GNA14: variants seen among roughly 807,000 people sequenced by gnomAD.
GNA14 encodes the protein guanine nucleotide-binding protein subunit alpha-14.
A neutral mutation model predicts 42.0 loss-of-function variants in GNA14; 50 were observed. That is an observed-to-expected ratio of 1.19 (90% CI 0.95 to 1.51). The LOEUF (loss-of-function observed/expected upper bound fraction) is 1.51, where lower values mean the gene tolerates loss of function less well. Among genes scored for constraint, GNA14 ranks in the 40% most tolerant of loss-of-function variants. The pLI, the probability that GNA14 is intolerant of heterozygous loss-of-function variation, is 0.00. For synonymous variants in GNA14, 173 were observed against 163.1 expected (o/e 1.06, Z -0.46); for missense variants, 473 against 446.2 (o/e 1.06, Z -0.54).
At chr9:77,451,929 TGACAGA>T (rs1235166268) in intron 2 of GNA14, among the ~76,000 whole-genome samples, 2 of 152,062 alleles carry the variant, frequency 1.3e-5, no homozygotes, top group Non-Finnish European at 2.9e-5. Flanking sequence ...AGGTGGTGAG[TGACAGA>T]TATTTGTGCA....
At position 77,431,508 on chromosome 9, in the gene GNA14, C is replaced by G. The variant is rs1835554496; in HGVS notation, c.465-59G>C. On this transcript the variant is annotated intron_variant, in intron 3 of 6. Transcript: ENST00000341700. ...TTTAGAGCAGGGGGAAATGTCCATC[C>G]TACTCAAAGGAAGTCACCCCCCACT... 2.0e-6 allele frequency: 3 copies of G among 1,516,984 alleles called. No individual in the cohort carries two copies. In the South Asian group the frequency reaches 3.7e-5, roughly 19 times the overall value. The allele number at this position is 1,516,984 out of a possible 1,614,324, so 94.0% of individuals were successfully genotyped here. A position where few individuals can be genotyped will look rare whatever the true frequency, so the allele number is the denominator to read the frequency against.
chr9:77,460,005 T>G (rs954536579), intron 2 of GNA14, among the ~76,000 whole-genome samples: 1 of 152,160 alleles, frequency 6.6e-6, no homozygotes, highest in Non-Finnish European at 1.5e-5. Context: ...ACAAGTTCAT[T>G]TCCCTCTCTG....
In GNA14 at chr9:77,529,612, C is replaced by T. The variant is rs111790342; in HGVS notation, c.125-359G>A. Among the ~76,000 whole-genome samples, 929 of 152,270 alleles carry T rather than the reference C, an allele frequency of 6.1e-3. 9 individuals carry two copies. Among genetic ancestry groups the T allele is most frequent in the African/African-American group, 0.021 (880 of 41,540 alleles). On this transcript the variant is annotated intron_variant, in intron 1 of 6. Coordinates refer to ENST00000341700, the MANE Select transcript of GNA14 (RefSeq NM_004297.4). Reference sequence around the variant, plus strand: ...GCAGGGAGGGTTTGAGCCATAGGAACACTTGGAGGAGAGAAAAAGGCTCAT... The same window carrying T: ...GCAGGGAGGGTTTGAGCCATAGGAATACTTGGAGGAGAGAAAAAGGCTCAT...
At chr9:77,481,141 A>G (rs1292957632) in intron 2 of GNA14, among the ~76,000 whole-genome samples, 1 of 151,730 alleles carries the variant, frequency 6.6e-6, no homozygotes, top group East Asian at 1.9e-4. Flanking sequence ...TTGTGATGTT[A>G]GGGTGTCAAT....
chr9:77,636,034 G>A (rs1257349337), intron 1 of GNA14, among the ~76,000 whole-genome samples: 2 of 152,206 alleles, frequency 1.3e-5, no homozygotes, highest in South Asian at 2.1e-4. Context: ...AAACACAGGT[G>A]CATTTTGAGT....
intron 1 of GNA14, among the ~76,000 whole-genome samples, chr9:77,546,094 G>A (rs1837715921): frequency 6.6e-6 from 1 of 151,500 alleles, no homozygotes; most frequent in Non-Finnish European, 1.5e-5. Context: ...GCGGGTGCCT[G>A]TAATCCCAGT....
intron 2 of GNA14, among the ~76,000 whole-genome samples, chr9:77,436,590 G>A (rs943624061): frequency 1.3e-5 from 2 of 152,120 alleles, no homozygotes; most frequent in African/African-American, 2.4e-5. Context: ...CCAGTGTGGT[G>A]CAGAACAGCT....
intron 1 of GNA14, among the ~76,000 whole-genome samples, chr9:77,631,860 G>T (rs1282466446): frequency 6.6e-6 from 1 of 152,172 alleles, no homozygotes. Flanking sequence ...GCGTGGCTGG[G>T]GCTGCATGTT....
chr9:77,611,546 G>A (rs928514146), intron 1 of GNA14, among the ~76,000 whole-genome samples: 1 of 152,142 alleles, frequency 6.6e-6, no homozygotes, highest in African/African-American at 2.4e-5. Context: ...TCACTTGCAA[G>A]ACACAAGAAA....
At chr9:77,441,095 T>C (rs901542562) in intron 2 of GNA14, among the ~76,000 whole-genome samples, 5 of 152,216 alleles carry the variant, frequency 3.3e-5, no homozygotes, top group African/African-American at 1.2e-4. Flanking sequence ...AAATTGCTCC[T>C]GTCTTAATAT....
intron 1 of GNA14, among the ~76,000 whole-genome samples, chr9:77,605,127 C>T (rs1230367649): frequency 1.3e-5 from 2 of 152,158 alleles, no homozygotes; most frequent in African/African-American, 2.4e-5. Context: ...TGAACTTTTT[C>T]GTTAAAAGAT....
intron 1 of GNA14, among the ~76,000 whole-genome samples, chr9:77,644,437 C>CCAAAAAAAAAAAAAAAAAAAAAAAA (rs778013639): frequency 2.4e-4 from 8 of 34,022 alleles, no homozygotes; most frequent in African/African-American, 4.7e-4. Flanking sequence ...TAAAGAGTGT[C>CCAAAAAAAAAAAAAAAAAAAAAAAA]AAAAAAAAAA....
At chr9:77,507,258 A>G (rs1180623753) in intron 2 of GNA14, among the ~76,000 whole-genome samples, 1 of 152,230 alleles carries the variant, frequency 6.6e-6, no homozygotes, top group African/African-American at 2.4e-5. Flanking sequence ...AATGAAGAGA[A>G]AGAATCTCTT....
intron 1 of GNA14, among the ~76,000 whole-genome samples, chr9:77,637,659 C>G (rs1026382019): frequency 3.3e-5 from 5 of 152,094 alleles, no homozygotes; most frequent in Admixed American, 3.3e-4. Context: ...GAGTTCAAAA[C>G]CAGCCTGGGC....
Position 77,517,289 on chromosome 9 carries a change from C to CTCATTCAT in GNA14, c.309+11772_309+11779dup, listed in dbSNP as rs149456688. On this transcript the variant is annotated intron_variant, in intron 2 of 6. Transcript: ENST00000341700. ...ATGCCCACGTTTCAGGGAGGGGCCGCTCATTCATTCATTCATTCATTCAAA... is the reference window on the plus strand; with the variant it reads ...ATGCCCACGTTTCAGGGAGGGGCCGCTCATTCATTCATTCATTCATTCATTCATTCAAA... Among the ~76,000 whole-genome samples the CTCATTCAT allele has an allele frequency of 1.3e-4, 19 of 151,802 alleles. No individual in the cohort carries two copies. The East Asian group carries it at 3.7e-3, about 29-fold the overall frequency.
intron 2 of GNA14, among the ~76,000 whole-genome samples, chr9:77,471,177 A>C (rs1836323481): frequency 6.6e-6 from 1 of 152,182 alleles, no homozygotes; most frequent in Non-Finnish European, 1.5e-5. Context: ...GTTCAGCCCT[A>C]CCAGGAAATT....
intron 2 of GNA14, among the ~76,000 whole-genome samples, chr9:77,475,215 C>T (rs1380252263): frequency 1.3e-5 from 2 of 152,098 alleles, no homozygotes; most frequent in Admixed American, 1.3e-4. Flanking sequence ...ACATGGAAGA[C>T]AAACTATTGA....
Position 77,647,881 on chromosome 9 carries a change from G to T in GNA14, c.-88C>A. The T allele has an allele frequency of 6.8e-7, 1 of 1,460,784 alleles. No homozygotes were observed. Among genetic ancestry groups the T allele is most frequent in the Non-Finnish European group, 9.2e-7 (1 of 1,085,224 alleles). The allele number at this position is 1,460,784 out of a possible 1,614,324, so 90.5% of individuals were successfully genotyped here. ...GCCGCTCACCCGGCCAGCATGCGAC[G>T]GGCACAGGGGTGTGGAAAGAAAAGA... is the stretch of plus-strand genomic sequence containing the variant. On this transcript the variant is annotated 5_prime_UTR_variant, in exon 1 of 7. Transcript: ENST00000341700.
intron 1 of GNA14, among the ~76,000 whole-genome samples, chr9:77,606,582 TG>T (rs1823649277): frequency 1.3e-5 from 2 of 152,222 alleles, no homozygotes; most frequent in African/African-American, 4.8e-5. Context: ...ATACTGGTAA[TG>T]CTCAGTGCAA....
Sources: allele counts gnomAD v4.1 joint callset (sites outside exome capture counted in the v4.1 genomes callset), GRCh38; gene constraint gnomAD v4.1.1; transcripts MANE v1.5; gene names NCBI Gene and HGNC (gene_info 2026-07-23, HGNC 2026-07-21).